The following DNAAF2 variants were observed in gnomAD, a reference collection of about 807,000 sequenced individuals.
The protein encoded by DNAAF2 is dynein axonemal assembly factor 2.
Under a neutral mutation model 48.8 loss-of-function variants are expected in DNAAF2, and 58 were observed. The observed-to-expected ratio is 1.19, with a 90% CI of 0.96 to 1.48. The LOEUF (loss-of-function observed/expected upper bound fraction) is 1.48. DNAAF2 is among the 40% of genes most tolerant of loss of function. The probability of loss-of-function intolerance (pLI) is 0.00; values close to 1 mark genes in which losing one functional copy is unlikely to be tolerated. For missense variants in DNAAF2, 1,241 were observed against 1,116.1 expected, an observed-to-expected ratio of 1.11 and a Z score of -1.59; for synonymous variants, 567 against 481.2, an observed-to-expected ratio of 1.18 and a Z score of -2.33.
intron 2 of DNAAF2, among the ~76,000 whole-genome samples, chr14:49,627,440 G>C (rs139483521): frequency 1.4e-4 from 21 of 152,292 alleles, no homozygotes; most frequent in Non-Finnish European, 2.4e-4. Context: ...TATGTCCCTG[G>C]ACTAGTACTC....
Position 49,634,229 on chromosome 14 carries a change from C to T in DNAAF2, c.921G>A (p.Leu307=). The T allele has an allele frequency of 6.2e-7, 1 of 1,612,404 alleles. No individual in the cohort carries two copies. Among genetic ancestry groups the T allele is most frequent in the Middle Eastern group, 1.6e-4 (1 of 6,062 alleles). ...QAALEVTRKL[L]CLDSRKPDYR... ...AGTCAGGTTTCCTCGAGTCGAGGCA[C>T]AGCAGCTTTCTCGTTACCTCCAGCG... Residue 307 remains leucine, a synonymous_variant, in exon 1 of 3, where the codon CTG becomes CTA. Coordinates refer to ENST00000298292, the MANE Select transcript of DNAAF2 (RefSeq NM_018139.3).
chr14:49,630,261 T>TAAATAAA (rs1273735477), intron 1 of DNAAF2, among the ~76,000 whole-genome samples: 30 of 94,544 alleles, frequency 3.2e-4, no homozygotes, highest in African/African-American at 9.3e-4. Flanking sequence ...AAATAAATAA[T>TAAATAAA]GAGGTAGATT....
intron 1 of DNAAF2, 139 bp from the exon 2 acceptor site, chr14:49,628,294 G>A: frequency 1.3e-6 from 1 of 748,298 alleles, no homozygotes; most frequent in Non-Finnish European, 2.1e-6. Context: ...ATTCCTATGA[G>A]CTGTCTTAGA....
chr14:49,633,923 G>C lies in DNAAF2; in HGVS notation c.1227C>G (p.Gly409=), dbSNP rs1045466672. ...GHDTCVAGAA[G]SGVTTLGDPE... ...GGTCGCCCAGGGTGGTGACCCCGGA[G>C]CCCGCAGCCCCAGCCACGCAGGTAT... is the stretch of plus-strand genomic sequence containing the variant. Residue 409 remains glycine, a synonymous_variant, in exon 1 of 3, where the codon GGC becomes GGG. Transcript: ENST00000298292. The C allele has an allele frequency of 1.2e-5, 18 of 1,531,806 alleles. No individual in the cohort carries two copies. Among genetic ancestry groups the C allele is most frequent in the African/African-American group, 4.1e-5 (3 of 72,842 alleles). The allele number at this position is 1,531,806 out of a possible 1,614,324, so 94.9% of individuals were successfully genotyped here. A position where few individuals can be genotyped will look rare whatever the true frequency, so the allele number is the denominator to read the frequency against.
Position 49,625,426 on chromosome 14 carries a change from G to A in DNAAF2, c.*116C>T. 1.2e-6 allele frequency: 1 copy of A among 810,836 alleles called. No homozygotes were observed. The allele number at this position is 810,836 out of a possible 1,614,324, so 50.2% of individuals were successfully genotyped here. On this transcript the variant is annotated 3_prime_UTR_variant, in exon 3 of 3. Transcript: ENST00000298292. ...AAATTGCAATTTTTTAAAAAAAATT[G>A]CAAATTTTAATTTTATACTTTAATA...
intron 2 of DNAAF2, among the ~76,000 whole-genome samples, chr14:49,626,468 G>A (rs1193020755): frequency 6.6e-6 from 1 of 152,150 alleles, no homozygotes; most frequent in South Asian, 2.1e-4. Context: ...CAGCCTGGGT[G>A]ACAGGGTAAG....
chr14:49,632,246 C>T (rs1883181297), intron 1 of DNAAF2, among the ~76,000 whole-genome samples: 1 of 152,164 alleles, frequency 6.6e-6, no homozygotes, highest in African/African-American at 2.4e-5. Flanking sequence ...TACTCAGTTT[C>T]ATATTTTATA....
At chr14:49,626,144 G>GGCTATTACCTCACAAC in intron 2 of DNAAF2, 96 bp from the exon 3 acceptor site, 1 of 1,045,772 alleles carries the variant, frequency 9.6e-7, no homozygotes, top group Non-Finnish European at 1.3e-6. Flanking sequence ...CAGTTGTGAG[G>GGCTATTACCTCACAAC]TAATAGCCCT....
In DNAAF2 at chr14:49,626,010, C is replaced by A; in HGVS notation, c.2046G>T (p.Lys682Asn). ...ECSNSDQLQG[K>N]EERVNEESHL... ...GACTTTCTTCATTTACTCTTTCCTC[C>A]TTTCCTTGTAGCTGATCAGAGTTAC... The change falls in exon 3 of 3, where the codon AAG becomes AAT. Residue 682 changes from lysine to asparagine, a missense_variant. By Grantham distance (94) the Lys-to-Asn change is moderately conservative. Coordinates refer to ENST00000298292, the MANE Select transcript of DNAAF2 (RefSeq NM_018139.3). 6.4e-7 allele frequency: 1 copy of A among 1,572,234 alleles called. No homozygotes were observed. Among genetic ancestry groups the A allele is most frequent in the Non-Finnish European group, 8.6e-7 (1 of 1,161,506 alleles).
Position 49,625,453 on chromosome 14 carries a change from C to T in DNAAF2, c.*89G>A. The T allele has an allele frequency of 9.9e-7, 1 of 1,014,212 alleles. No homozygotes were observed. Among genetic ancestry groups the T allele is most frequent in the Non-Finnish European group, 1.3e-6 (1 of 768,048 alleles). The allele number at this position is 1,014,212 out of a possible 1,614,324, so 62.8% of individuals were successfully genotyped here. On this transcript the variant is annotated 3_prime_UTR_variant, in exon 3 of 3. Transcript: ENST00000298292. Reference sequence around the variant, plus strand: ...AAATTTTAATTTTATACTTTAATACCTTTAGTTTTAAGACAACAGTTAACA... The same window carrying T: ...AAATTTTAATTTTATACTTTAATACTTTTAGTTTTAAGACAACAGTTAACA...
intron 2 of DNAAF2, among the ~76,000 whole-genome samples, chr14:49,626,584 T>TCCC (rs1274132287): frequency 6.6e-6 from 1 of 151,186 alleles, no homozygotes; most frequent in African/African-American, 2.4e-5. Flanking sequence ...CTCAGCTGAC[T>TCCC]ACAACCTCTG....
intron 1 of DNAAF2, chr14:49,629,663 C>CA (rs554008631): frequency 2.7e-4 from 39 of 145,628 alleles, no homozygotes; most frequent in South Asian, 1.7e-3. Flanking sequence ...GACTCTGTCT[C>CA]AAAAAAAAAA....
intron 1 of DNAAF2, among the ~76,000 whole-genome samples, chr14:49,631,041 G>A (rs991062384): frequency 4.6e-5 from 7 of 152,054 alleles, no homozygotes; most frequent in Admixed American, 2.0e-4. Flanking sequence ...GAGCCACCAC[G>A]CCTGGCTACG....
Position 49,634,784 on chromosome 14 carries a change from G to C in DNAAF2, c.366C>G (p.Pro122=), listed in dbSNP as rs1035574559. Residue 122 remains proline (P), a synonymous_variant, in exon 1 of 3, where the codon CCC becomes CCG. Coordinates refer to ENST00000298292, the MANE Select transcript of DNAAF2 (RefSeq NM_018139.3). ...ACTCGCGGCCGGGCGCCAGGCTGTA[G>C]GGCAGGGACCAGTGGCTGCCAGGAG... The part of the protein sequence containing the change: ...GAAPGSHWSL[P]YSLAPGREYA... The C allele has an allele frequency of 1.5e-5, 23 of 1,579,644 alleles. No individual in the cohort carries two copies. Among genetic ancestry groups the C allele is most frequent in the Middle Eastern group, 1.7e-4 (1 of 6,000 alleles).
chr14:49,633,729 C>G lies in DNAAF2; in HGVS notation c.1421G>C (p.Ser474Thr). 1 of 1,595,356 alleles carries G rather than the reference C, an allele frequency of 6.3e-7. No individual in the cohort carries two copies. The highest frequency in any genetic ancestry group is 2.2e-5 in the East Asian group (1 of 44,636). Reference protein sequence around the residue: ...GGGSPCLSSRSLAWGSSAGRE... With the variant: ...GGGSPCLSSRTLAWGSSAGRE... ...TCCCGCAGAAGAACCCCACGCCAGG[C>G]TCCGGGAGGACAAACAAGGGGAGCC... Residue 474 changes from serine to threonine, a missense_variant, in exon 1 of 3, where the codon AGC becomes ACC. Coordinates refer to ENST00000298292, the MANE Select transcript of DNAAF2 (RefSeq NM_018139.3).
rs1883055156 is a variant in DNAAF2 at position 49,628,029 on chromosome 14, T to C, written c.1990A>G (p.Ile664Val). 2 of 1,568,492 alleles carry C rather than the reference T, an allele frequency of 1.3e-6. No individual in the cohort carries two copies. The highest frequency in any genetic ancestry group is 1.9e-5 in the Admixed American group (1 of 52,826). Residue 664 changes from isoleucine to valine, a missense_variant, in exon 2 of 3, where the codon ATT becomes GTT. Ile to Val is a conservative substitution (Grantham distance 29). Transcript: ENST00000298292. The part of the protein sequence containing the change: ...IEVLQVTDNK[I>V]QINAKLQECS... Reference sequence around the variant, plus strand: ...TTCCTTACCTTTGCATTAATTTGAATCTTATTATCAGTAACTTGAAGAACT... The same window carrying C: ...TTCCTTACCTTTGCATTAATTTGAACCTTATTATCAGTAACTTGAAGAACT...
At position 49,634,269 on chromosome 14, in the gene DNAAF2, G is replaced by C; in HGVS notation, c.881C>G (p.Ser294Trp). The C allele has an allele frequency of 2.5e-6, 4 of 1,612,262 alleles. No homozygotes were observed. Among genetic ancestry groups the C allele is most frequent in the Non-Finnish European group, 3.4e-6 (4 of 1,179,802 alleles). The change falls in exon 1 of 3, where the codon TCG becomes TGG. Residue 294 changes from serine (S) to tryptophan (W), a missense_variant. Transcript: ENST00000298292. Reference protein sequence around the residue: ...VITIELPLLRSAEQAALEVTR... With the variant: ...VITIELPLLRWAEQAALEVTR... ...TACCTCCAGCGCCGCCTGCTCGGCCGAGCGCAACAGCGGCAGTTCGATGGT... is the reference window on the plus strand; with the variant it reads ...TACCTCCAGCGCCGCCTGCTCGGCCCAGCGCAACAGCGGCAGTTCGATGGT...
chr14:49,634,073 G>T lies in DNAAF2; in HGVS notation c.1077C>A (p.Val359=). The T allele has an allele frequency of 6.5e-7, 1 of 1,534,310 alleles. No homozygotes were observed. The highest frequency in any genetic ancestry group is 1.2e-5 in the South Asian group (1 of 83,030). The change falls in exon 1 of 3, where the codon GTC becomes GTA. Residue 359 remains valine, a synonymous_variant. Transcript: ENST00000298292. Reference sequence around the variant, plus strand: ...CTTCCGGCGCGGCGGCGGCGACGGCGACAGCGGGCTCCCGGCGCGCGGCCG... The same window carrying T: ...CTTCCGGCGCGGCGGCGGCGACGGCTACAGCGGGCTCCCGGCGCGCGGCCG... ...VLPAARREPA[V]AVAAAAPEES... is the part of the protein sequence containing the mutation.
Position 49,634,819 on chromosome 14 carries a change from G to A in DNAAF2, c.331C>T (p.Arg111Trp), listed in dbSNP as rs761666035. 2.6e-6 allele frequency: 4 copies of A among 1,547,824 alleles called. No individual in the cohort carries two copies. Among genetic ancestry groups the A allele is most frequent in the Non-Finnish European group, 3.5e-6 (4 of 1,148,556 alleles). Residue 111 changes from arginine to tryptophan, a missense_variant, in exon 1 of 3, where the codon CGG becomes TGG. Arg to Trp is a moderately radical substitution (Grantham distance 101). Coordinates refer to ENST00000298292, the MANE Select transcript of DNAAF2 (RefSeq NM_018139.3). ...PSSRPGSGGD[R>W]GAAPGSHWSL... ...CAGTGGCTGCCAGGAGCTGCGCCCC[G>A]GTCGCCACCGGAGCCGGGCCGGCTG...
Sources: gnomAD v4.1 joint callset for allele counts (sites outside exome capture counted in the v4.1 genomes callset) on GRCh38, gnomAD v4.1.1 for gene constraint, MANE v1.5 for transcripts, NCBI Gene and HGNC (gene_info 2026-07-23, HGNC 2026-07-21) for gene names.